The following DSCAML1 variants were observed in gnomAD, a reference collection of about 807,000 sequenced individuals.
DSCAML1 encodes the protein cell adhesion molecule DSCAML1.
Under a neutral mutation model 200.5 loss-of-function variants are expected in DSCAML1, and 38 were observed. That is an observed-to-expected ratio of 0.19 (90% CI 0.15 to 0.25). The LOEUF is 0.25. Ranked by LOEUF, DSCAML1 falls within the 10% of genes least tolerant of loss-of-function variation. The probability of loss-of-function intolerance (pLI) is 1.00; values close to 1 mark genes in which losing one functional copy is unlikely to be tolerated. For synonymous variants in DSCAML1, 1,215 were observed against 1,165.0 expected, an observed-to-expected ratio of 1.04 and a Z score of -0.87; for missense variants, 2,223 against 2,858.8, an observed-to-expected ratio of 0.78 and a Z score of 5.07.
At chr11:117,614,416 TG>T (rs746216831) in intron 3 of DSCAML1, among the ~76,000 whole-genome samples, 1 of 152,142 alleles carries the variant, frequency 6.6e-6, no homozygotes, top group Non-Finnish European at 1.5e-5. Flanking sequence ...TGGGGCGCAG[TG>T]TGGCCATTTG....
chr11:117,488,100 G>A (rs1422929570), intron 11 of DSCAML1, among the ~76,000 whole-genome samples: 1 of 152,170 alleles, frequency 6.6e-6, no homozygotes, highest in Non-Finnish European at 1.5e-5. Context: ...TCCTCAGTAA[G>A]AGGCAGGGAA....
At position 117,532,363 on chromosome 11, in the gene DSCAML1, C is replaced by T. The variant is rs914120871; in HGVS notation, c.658+13G>A. On this transcript the variant is annotated intron_variant, in intron 4 of 32. Coordinates refer to ENST00000651296, the MANE Select transcript of DSCAML1 (RefSeq NM_020693.4). ...CCCAGCCTGCCCCGTTCTCCCCAGGCCCTCTCCCCTACCTGTCACAGAGAG... is the reference window on the plus strand; with the variant it reads ...CCCAGCCTGCCCCGTTCTCCCCAGGTCCTCTCCCCTACCTGTCACAGAGAG... 1.2e-6 allele frequency: 2 copies of T among 1,611,666 alleles called. No individual in the cohort carries two copies. Among genetic ancestry groups the T allele is most frequent in the Admixed American group, 1.7e-5 (1 of 59,820 alleles).
At chr11:117,777,040 G>A (rs1427867242) in intron 2 of DSCAML1, 103 bp from the exon 3 acceptor site, 2 of 1,219,758 alleles carry the variant, frequency 1.6e-6, no homozygotes, top group Admixed American at 2.1e-5. Flanking sequence ...TGCTCCTTCA[G>A]CCTCACCTTC....
intron 3 of DSCAML1, among the ~76,000 whole-genome samples, chr11:117,674,486 A>G (rs2053171904): frequency 1.3e-5 from 2 of 152,144 alleles, no homozygotes; most frequent in South Asian, 2.1e-4. Flanking sequence ...GTCATCCCAA[A>G]TGGCATGGGT....
chr11:117,586,741 C>T (rs991790681), intron 3 of DSCAML1, among the ~76,000 whole-genome samples: 6 of 152,180 alleles, frequency 3.9e-5, no homozygotes, highest in African/African-American at 1.4e-4. Flanking sequence ...TCAGCCCTTC[C>T]ACGAACTGGG....
intron 3 of DSCAML1, among the ~76,000 whole-genome samples, chr11:117,769,308 T>TATA (rs1481039912): frequency 3.2e-4 from 8 of 25,080 alleles, no homozygotes; most frequent in African/African-American, 7.1e-4. Context: ...ATATATATTT[T>TATA]TATATAATAT....
chr11:117,573,530 C>A (rs769401943), intron 3 of DSCAML1, among the ~76,000 whole-genome samples: 1 of 152,202 alleles, frequency 6.6e-6, no homozygotes, highest in African/African-American at 2.4e-5. Context: ...TCAGCCCCAG[C>A]CAGGTAATCC....
At chr11:117,647,719 T>A (rs533661276) in intron 3 of DSCAML1, among the ~76,000 whole-genome samples, 5 of 152,024 alleles carry the variant, frequency 3.3e-5, no homozygotes, top group African/African-American at 1.2e-4. Context: ...GGAAGCAGGA[T>A]ATCTAAAGGG....
At position 117,776,796 on chromosome 11, in the gene DSCAML1, A is replaced by G. The variant is rs544330617; in HGVS notation, c.506T>C (p.Ile169Thr). Residue 169 changes from isoleucine to threonine, a missense_variant, in exon 3 of 33, where the codon ATC becomes ACC. Transcript: ENST00000651296. ...VSWEKDTVSI[I>T]PEHRFFITYH... ...AGCCCCGGGACGCTTCTTACCTGGG[A>G]TGATGGAGACTGTGTCTTTCTCCCA... The G allele has an allele frequency of 6.2e-7, 1 of 1,614,092 alleles. No individual in the cohort carries two copies. The highest frequency in any genetic ancestry group is 8.5e-7 in the Non-Finnish European group (1 of 1,180,006).
At chr11:117,810,543 C>T (rs776035728) in intron 1 of DSCAML1, among the ~76,000 whole-genome samples, 1 of 152,146 alleles carries the variant, frequency 6.6e-6, no homozygotes, top group African/African-American at 2.4e-5. Flanking sequence ...GGCTTGCCTC[C>T]TTCACTATGG....
chr11:117,470,302 G>A (rs150034678), intron 15 of DSCAML1, among the ~76,000 whole-genome samples: 2,314 of 152,336 alleles, frequency 0.015, 55 homozygotes, highest in African/African-American at 0.052. Context: ...TAGGCCGGGC[G>A]CGGTGGCTCA....
chr11:117,655,324 A>G (rs1302106208), intron 3 of DSCAML1, among the ~76,000 whole-genome samples: 2 of 152,266 alleles, frequency 1.3e-5, no homozygotes, highest in Non-Finnish European at 2.9e-5. Context: ...GACAATGGTC[A>G]TCACAATAAA....
At chr11:117,810,211 AAAACTCCGTGGACCC>A (rs1428052194) in intron 1 of DSCAML1, among the ~76,000 whole-genome samples, 176 of 150,690 alleles carry the variant, frequency 1.2e-3, no homozygotes, top group African/African-American at 3.7e-3. Flanking sequence ...ACGTGGACCC[AAAACTCCGTGGACCC>A]AAACTCCGTG....
intron 3 of DSCAML1, among the ~76,000 whole-genome samples, chr11:117,757,739 C>A (rs2054721274): frequency 6.6e-6 from 1 of 151,976 alleles, no homozygotes; most frequent in African/African-American, 2.4e-5. Flanking sequence ...AAAATCACCT[C>A]AAGCATTTTG....
At chr11:117,723,769 G>C (rs1462175226) in intron 3 of DSCAML1, among the ~76,000 whole-genome samples, 1 of 152,186 alleles carries the variant, frequency 6.6e-6, no homozygotes, top group African/African-American at 2.4e-5. Flanking sequence ...GTTCCCCAGA[G>C]AGATCGCTGG....
intron 3 of DSCAML1, among the ~76,000 whole-genome samples, chr11:117,641,981 G>A (rs899308369): frequency 1.3e-5 from 2 of 152,130 alleles, no homozygotes; most frequent in Non-Finnish European, 2.9e-5. Flanking sequence ...CCCAAGCTAT[G>A]TCTTCTGCCA....
chr11:117,623,935 T>C (rs1465049856), intron 3 of DSCAML1, among the ~76,000 whole-genome samples: 1 of 152,142 alleles, frequency 6.6e-6, no homozygotes, highest in African/African-American at 2.4e-5. Context: ...GGATAATGGC[T>C]TGCTGTTCCC....
chr11:117,602,670 C>T (rs1395202522), intron 3 of DSCAML1, among the ~76,000 whole-genome samples: 1 of 152,114 alleles, frequency 6.6e-6, no homozygotes, highest in African/African-American at 2.4e-5. Context: ...CCAAGGGTCC[C>T]TCTCTTTCGA....
chr11:117,609,928 G>C (rs982662386), intron 3 of DSCAML1, among the ~76,000 whole-genome samples: 1 of 152,104 alleles, frequency 6.6e-6, no homozygotes, highest in African/African-American at 2.4e-5. Flanking sequence ...AACCGAGAGG[G>C]TCTGCAGAAC....
Sources: allele counts gnomAD v4.1 joint callset (sites outside exome capture counted in the v4.1 genomes callset), GRCh38; gene constraint gnomAD v4.1.1; transcripts MANE v1.5; gene names NCBI Gene and HGNC (gene_info 2026-07-23, HGNC 2026-07-21).